The following CYLD variants were observed in gnomAD, a reference collection of about 807,000 sequenced individuals.
CYLD encodes the protein CYLD lysine 63 deubiquitinase, also known as ubiquitin carboxyl-terminal hydrolase CYLD.
Under a neutral mutation model 104.5 loss-of-function variants are expected in CYLD, and 26 were observed. That is an observed-to-expected ratio of 0.25 (90% CI 0.18 to 0.35). CYLD has a LOEUF of 0.35. CYLD is among the 10% of genes least tolerant of loss of function. The pLI is 1.00. For synonymous variants in CYLD, 385 were observed against 399.9 expected (o/e 0.96, Z 0.45); for missense variants, 703 against 1,136.1 (o/e 0.62, Z 5.48).
Position 50,796,881 on chromosome 16 carries a change from G to A in CYLD, c.*373G>A. On this transcript the variant is annotated 3_prime_UTR_variant, in exon 19 of 19. Coordinates refer to ENST00000427738, the MANE Select transcript of CYLD (RefSeq NM_001378743.1). ...TGTAAATAAATGTGTCTTCTTTATG[G>A]ACCAAGGATATGAAATCATTTTTCT... 1 of 334,640 alleles carries A rather than the reference G, an allele frequency of 3.0e-6. No individual in the cohort carries two copies. Among genetic ancestry groups the A allele is most frequent in the Non-Finnish European group, 5.6e-6 (1 of 177,602 alleles). 20.7% of individuals were successfully genotyped at this position (334,640 alleles called of 1,614,324 possible).
chr16:50,781,290 T>G lies in CYLD; in HGVS notation c.1563T>G (p.Thr521=), dbSNP rs1970195788. The change falls in exon 10 of 19, where the codon ACT becomes ACG. Residue 521 remains threonine (T), a synonymous_variant. Transcript: ENST00000427738. ...AGCTDGTFRG[T]RYFTCALKKA... Reference sequence around the variant, plus strand: ...GTACGGATGGAACCTTCAGAGGCACTCGGTATTTCACCTGTGCCCTGAAGA... The same window carrying G: ...GTACGGATGGAACCTTCAGAGGCACGCGGTATTTCACCTGTGCCCTGAAGA... 6.2e-7 allele frequency: 1 copy of G among 1,613,872 alleles called. No homozygotes were observed. The highest frequency in any genetic ancestry group is 1.1e-5 in the South Asian group (1 of 91,080).
chr16:50,791,457 T>C, intron 14 of CYLD, 101 bp from the exon 15 acceptor site: 1 of 1,234,640 alleles, frequency 8.1e-7, no homozygotes. Context: ...CCATCAATTT[T>C]ATGGTTTTTC....
At chr16:50,774,338 A>G (rs1969444817) in intron 5 of CYLD, among the ~76,000 whole-genome samples, 1 of 152,200 alleles carries the variant, frequency 6.6e-6, no homozygotes. Flanking sequence ...ATCAAGGGAT[A>G]CTTCCAAGAC....
At chr16:50,752,370 T>G (rs1377211393) in intron 4 of CYLD, among the ~76,000 whole-genome samples, 1 of 152,134 alleles carries the variant, frequency 6.6e-6, no homozygotes, top group East Asian at 1.9e-4. Context: ...TCTACACAAT[T>G]TAATGGCTGA....
intron 5 of CYLD, among the ~76,000 whole-genome samples, chr16:50,763,274 A>G (rs185583845): frequency 6.6e-6 from 1 of 152,308 alleles, no homozygotes; most frequent in Admixed American, 6.5e-5. Context: ...ATCAGTAGAT[A>G]GATATTTAGG....
In CYLD at chr16:50,793,648, A is replaced by G; in HGVS notation, c.2453A>G (p.Lys818Arg). 6.2e-7 allele frequency: 1 copy of G among 1,611,424 alleles called. No individual in the cohort carries two copies. The highest frequency in any genetic ancestry group is 8.5e-7 in the Non-Finnish European group (1 of 1,177,506). ...GCTGGAAAAATCAAGCAGTTTTGTAAAACCTGCAACACTCAAGTGAGCTTC... is the reference window on the plus strand; with the variant it reads ...GCTGGAAAAATCAAGCAGTTTTGTAGAACCTGCAACACTCAAGTGAGCTTC... ...ISAGKIKQFC[K>R]TCNTQVHLHP... Residue 818 changes from lysine to arginine, a missense_variant, in exon 17 of 19, where the codon AAA becomes AGA. By Grantham distance (26) the Lys-to-Arg change is conservative. Coordinates refer to ENST00000427738, the MANE Select transcript of CYLD (RefSeq NM_001378743.1).
intron 13 of CYLD, 128 bp from the exon 14 acceptor site, chr16:50,787,658 C>T: frequency 1.7e-6 from 1 of 591,850 alleles, no homozygotes; most frequent in Non-Finnish European, 3.0e-6. Flanking sequence ...GAAAACTGTG[C>T]TTTTAATTGA....
chr16:50,793,760 C>A, intron 17 of CYLD, 96 bp downstream of exon 17: 2 of 868,676 alleles, frequency 2.3e-6, no homozygotes, highest in South Asian at 1.4e-5. Context: ...TTTTTAAAAT[C>A]ATAATTAACG....
At chr16:50,784,129 A>G (rs1303527124) in intron 11 of CYLD, 200 bp from the exon 12 acceptor site, 1 of 543,136 alleles carries the variant, frequency 1.8e-6, no homozygotes, top group Non-Finnish European at 3.3e-6. Context: ...TGTCCTTAAC[A>G]TGGAAGGATC....
chr16:50,742,798 C>G lies in CYLD; in HGVS notation c.-167C>G. 1 of 398,566 alleles carries G rather than the reference C, an allele frequency of 2.5e-6. No homozygotes were observed. The highest frequency in any genetic ancestry group is 4.4e-6 in the Non-Finnish European group (1 of 226,096). 24.7% of individuals were successfully genotyped at this position (398,566 alleles called of 1,614,324 possible). A position where few individuals can be genotyped will look rare whatever the true frequency, so the allele number is the denominator to read the frequency against. ...CTAGGGTGAGGATGGTTCTACACAG[C>G]CACCCGGAGTTCCTTAGTTGAAAGG... On this transcript the variant is annotated 5_prime_UTR_variant, in exon 2 of 19. Transcript: ENST00000427738.
intron 4 of CYLD, among the ~76,000 whole-genome samples, chr16:50,752,757 A>G (rs943502071): frequency 1.3e-5 from 2 of 152,204 alleles, no homozygotes; most frequent in African/African-American, 4.8e-5. Context: ...TAAGAGTGGA[A>G]TCATACAACA....
chr16:50,780,072 AT>A (rs763173784), intron 9 of CYLD, 28 bp downstream of exon 9: 218 of 1,612,742 alleles, frequency 1.4e-4, no homozygotes, highest in Non-Finnish European at 1.7e-4. Context: ...AAAAATTTCA[AT>A]TTTTTTCTCT....
intron 14 of CYLD, among the ~76,000 whole-genome samples, chr16:50,789,580 C>T (rs1251076486): frequency 1.3e-5 from 2 of 152,068 alleles, no homozygotes; most frequent in Non-Finnish European, 2.9e-5. Context: ...CCCCTTCACC[C>T]CTGCAAACAA....
At chr16:50,762,123 T>C (rs1416518573) in intron 5 of CYLD, among the ~76,000 whole-genome samples, 1 of 152,150 alleles carries the variant, frequency 6.6e-6, no homozygotes, top group Non-Finnish European at 1.5e-5. Context: ...ACTGGAGCAA[T>C]GCACATTATA....
chr16:50,756,827 C>T (rs1375688606), intron 5 of CYLD, among the ~76,000 whole-genome samples: 5 of 152,176 alleles, frequency 3.3e-5, no homozygotes, highest in African/African-American at 4.8e-5. Flanking sequence ...AAAGCTGGGG[C>T]TCGGATGGAC....
intron 4 of CYLD, among the ~76,000 whole-genome samples, chr16:50,752,585 TCA>T (rs1483152798): frequency 6.6e-6 from 1 of 152,234 alleles, no homozygotes; most frequent in Non-Finnish European, 1.5e-5. Flanking sequence ...TTAAGTGTAT[TCA>T]CATTGTTGTA....
chr16:50,755,035 ATATATACATATATATG>A, intron 5 of CYLD, among the ~76,000 whole-genome samples: 1 of 30,080 alleles, frequency 3.3e-5, no homozygotes, highest in Admixed American at 3.1e-4. Flanking sequence ...ATATATATGT[ATATATACATATATATG>A]TATATATACA....
At chr16:50,784,213 T>C in intron 11 of CYLD, 116 bp from the exon 12 acceptor site, 1 of 1,161,926 alleles carries the variant, frequency 8.6e-7, no homozygotes, top group Non-Finnish European at 1.3e-6. Flanking sequence ...AAACACAAAT[T>C]GTTATGTTAT....
chr16:50,755,284 T>C (rs1202019446), intron 5 of CYLD, among the ~76,000 whole-genome samples: 1 of 151,896 alleles, frequency 6.6e-6, no homozygotes, highest in East Asian at 1.9e-4. Flanking sequence ...TGTTCATTGA[T>C]GGGCATTTGG....
Sources: gnomAD v4.1 joint callset for allele counts (sites outside exome capture counted in the v4.1 genomes callset) on GRCh38, gnomAD v4.1.1 for gene constraint, MANE v1.5 for transcripts, NCBI Gene and HGNC (gene_info 2026-07-23, HGNC 2026-07-21) for gene names.